Variants in CEP350 observed in about 807,000 individuals in gnomAD.
CEP350 encodes centrosome-associated protein 350.
A neutral mutation model predicts 331.8 loss-of-function variants in CEP350; 126 were observed. The observed-to-expected ratio is 0.38, with a 90% CI of 0.33 to 0.44. The LOEUF (loss-of-function observed/expected upper bound fraction) is 0.44, where lower values mean the gene tolerates loss of function less well. Ranked by LOEUF, CEP350 falls within the 20% of genes least tolerant of loss-of-function variation. CEP350 has a pLI of 1.00. For missense variants in CEP350, 3,406 were observed against 3,634.6 expected, an observed-to-expected ratio of 0.94 and a Z score of 1.62; for synonymous variants, 1,200 against 1,259.5, an observed-to-expected ratio of 0.95 and a Z score of 1.00.
intron 5 of CEP350, among the ~76,000 whole-genome samples, chr1:179,993,482 G>A (rs1312801610): frequency 6.6e-6 from 1 of 152,112 alleles, no homozygotes; most frequent in Non-Finnish European, 1.5e-5. Flanking sequence ...GAGTGCAGTG[G>A]CATAATCATG....
chr1:180,059,566 G>A (rs972775693), intron 25 of CEP350, among the ~76,000 whole-genome samples: 13 of 150,540 alleles, frequency 8.6e-5, no homozygotes, highest in Admixed American at 2.0e-4. Flanking sequence ...ATCTTTGCTC[G>A]ATACCAGAAT....
chr1:179,955,290 C>A, intron 1 of CEP350, 148 bp downstream of exon 1: 1 of 861,964 alleles, frequency 1.2e-6, no homozygotes, highest in Non-Finnish European at 1.5e-6. Flanking sequence ...CCTCGGGGAA[C>A]CTCCCTGGGT....
chr1:179,987,047 T>G (rs975739337), intron 2 of CEP350, among the ~76,000 whole-genome samples, 193 bp from the exon 3 acceptor site: 4 of 152,314 alleles, frequency 2.6e-5, no homozygotes, highest in African/African-American at 9.6e-5. Context: ...GTTGGGAATG[T>G]TGGCTTAATA....
At position 180,094,255 on chromosome 1, in the gene CEP350, C is replaced by G; in HGVS notation, c.8150C>G (p.Thr2717Arg). 5 of 1,613,384 alleles carry G rather than the reference C, an allele frequency of 3.1e-6. No individual in the cohort carries two copies. Among genetic ancestry groups the G allele is most frequent in the Non-Finnish European group, 4.2e-6 (5 of 1,179,652 alleles). Residue 2717 changes from threonine to arginine, a missense_variant, in exon 34 of 38, where the codon ACA becomes AGA. This residue lies in a region of CEP350 where 1,415 missense variants were observed against 1,512.3 expected (regional missense o/e 0.94). Transcript: ENST00000367607. ...GCTGAAGCTTCAGAAAAGCTTTGTA[C>G]ACCACTTCTGGATCTTTTAACAAGA... ...LYAEASEKLC[T>R]PLLDLLTREK... is the part of the protein sequence containing the mutation.
At chr1:180,069,656 G>T (rs897649003) in intron 27 of CEP350, among the ~76,000 whole-genome samples, 1 of 152,114 alleles carries the variant, frequency 6.6e-6, no homozygotes, top group Non-Finnish European at 1.5e-5. Flanking sequence ...TAATAGAATA[G>T]ATTTTGCTAT....
intron 1 of CEP350, among the ~76,000 whole-genome samples, chr1:179,962,380 T>C (rs1650697985): frequency 6.6e-6 from 1 of 152,094 alleles, no homozygotes; most frequent in Non-Finnish European, 1.5e-5. Flanking sequence ...ACATTTTCTT[T>C]ATCTAATCTA....
chr1:179,982,240 T>C (rs747000566), intron 1 of CEP350, among the ~76,000 whole-genome samples: 4 of 152,226 alleles, frequency 2.6e-5, no homozygotes, highest in Non-Finnish European at 5.9e-5. Context: ...GGGTGATGAC[T>C]ATCCTCACTT....
chr1:180,077,720 T>G (rs1659322033), intron 28 of CEP350, among the ~76,000 whole-genome samples: 1 of 147,978 alleles, frequency 6.8e-6, no homozygotes. Context: ...TTATTCCATA[T>G]TCACAGATTC....
chr1:179,986,850 A>G (rs1652680265), intron 2 of CEP350, among the ~76,000 whole-genome samples: 1 of 152,228 alleles, frequency 6.6e-6, no homozygotes, highest in Non-Finnish European at 1.5e-5. Flanking sequence ...CTGGTAGATC[A>G]AAATCTGGAA....
At chr1:180,047,594 T>G (rs1657207324) in intron 21 of CEP350, among the ~76,000 whole-genome samples, 1 of 150,844 alleles carries the variant, frequency 6.6e-6, no homozygotes. Flanking sequence ...CCATCTCTAC[T>G]AAAAATACAA....
chr1:179,987,190 A>G, intron 2 of CEP350, 50 bp from the exon 3 acceptor site: 1 of 979,840 alleles, frequency 1.0e-6, no homozygotes, highest in Non-Finnish European at 1.6e-6. Flanking sequence ...CTGAGGTCTA[A>G]TTCAGAGATT....
intron 27 of CEP350, chr1:180,073,684 G>T: frequency 1.2e-6 from 1 of 823,056 alleles, no homozygotes; most frequent in Non-Finnish European, 1.7e-6. Flanking sequence ...TGTTCTTCAG[G>T]AAGCATATTA....
intron 14 of CEP350, among the ~76,000 whole-genome samples, chr1:180,027,401 T>G (rs1655749094): frequency 6.6e-6 from 1 of 152,124 alleles, no homozygotes; most frequent in Admixed American, 6.5e-5. Flanking sequence ...TTTTTTGAGA[T>G]AGGGTCTCAC....
At chr1:180,000,247 A>G (rs1653769880) in intron 6 of CEP350, among the ~76,000 whole-genome samples, 1 of 152,160 alleles carries the variant, frequency 6.6e-6, no homozygotes, top group Admixed American at 6.5e-5. Flanking sequence ...AGAGGAGAGG[A>G]GAAAAAGAGG....
chr1:179,992,970 G>C (rs902070313), intron 5 of CEP350, among the ~76,000 whole-genome samples: 2 of 151,686 alleles, frequency 1.3e-5, no homozygotes, highest in Non-Finnish European at 2.9e-5. Flanking sequence ...GGTAGTTCTA[G>C]GTATATGTTT....
At chr1:179,965,528 T>A (rs1309369622) in intron 1 of CEP350, among the ~76,000 whole-genome samples, 1 of 152,112 alleles carries the variant, frequency 6.6e-6, no homozygotes, top group African/African-American at 2.4e-5. Flanking sequence ...GATGTAAATT[T>A]CTTTTACAGA....
intron 26 of CEP350, among the ~76,000 whole-genome samples, chr1:180,063,792 G>A (rs542638068): frequency 4.5e-4 from 61 of 135,520 alleles, no homozygotes; most frequent in African/African-American, 1.5e-3. Context: ...CAGCCTAGGT[G>A]ATAAAGCAAG....
rs930415423 is a variant in CEP350, at chr1:180,015,954, C to G, written c.2158C>G (p.Pro720Ala). 4 of 1,613,702 alleles carry G rather than the reference C, an allele frequency of 2.5e-6. No homozygotes were observed. In the African/African-American group the frequency reaches 4.0e-5, roughly 16 times the overall value. Residue 720 changes from proline to alanine, a missense_variant, in exon 11 of 38, where the codon CCA becomes GCA. By Grantham distance (27) the Pro-to-Ala change is conservative. Coordinates refer to ENST00000367607, the MANE Select transcript of CEP350 (RefSeq NM_014810.5). ...SSSDMSLSEPPQPLARKDLME... is the reference protein window; with the variant it reads ...SSSDMSLSEPAQPLARKDLME... ...TAGTGACATGTCTCTCTCAGAACCTCCACAGCCTCTTGCAAGGTAAAAAGG... is the reference window on the plus strand; with the variant it reads ...TAGTGACATGTCTCTCTCAGAACCTGCACAGCCTCTTGCAAGGTAAAAAGG...
At chr1:180,102,737 T>G (rs1660897907) in intron 37 of CEP350, among the ~76,000 whole-genome samples, 1 of 152,244 alleles carries the variant, frequency 6.6e-6, no homozygotes, top group African/African-American at 2.4e-5. Context: ...TAATGTAAAC[T>G]CTCAGTCTTT....
Sources: allele counts gnomAD v4.1 joint callset (sites outside exome capture counted in the v4.1 genomes callset), GRCh38; gene constraint gnomAD v4.1.1; regional missense constraint gnomAD v4.1.1; transcripts MANE v1.5; gene names NCBI Gene and HGNC (gene_info 2026-07-23, HGNC 2026-07-21).